Variants in COL5A2 observed in about 807,000 individuals in gnomAD.
The protein encoded by COL5A2 is collagen alpha-2(V) chain.
A neutral mutation model predicts 208.2 loss-of-function variants in COL5A2; 23 were observed. That is an observed-to-expected ratio of 0.11 (90% CI 0.08 to 0.16). COL5A2 has a LOEUF of 0.16. Among genes scored for constraint, COL5A2 ranks in the 10% least tolerant of loss-of-function variants. The pLI is 1.00. For synonymous variants in COL5A2, 625 were observed against 628.5 expected, an observed-to-expected ratio of 0.99 and a Z score of 0.08; for missense variants, 1,590 against 1,956.4, an observed-to-expected ratio of 0.81 and a Z score of 3.53.
chr2:189,123,714 A>G (rs1210675627), intron 1 of COL5A2, among the ~76,000 whole-genome samples: 2 of 152,222 alleles, frequency 1.3e-5, no homozygotes, highest in Non-Finnish European at 2.9e-5. Flanking sequence ...AATCTTAAGG[A>G]AGAATAACCC....
the COL5A2 span, among the ~76,000 whole-genome samples, chr2:189,405,855 C>G: frequency 6.6e-6 from 1 of 152,088 alleles, no homozygotes; most frequent in South Asian, 2.1e-4. Context: ...TGTGTAAAAC[C>G]CATGTCAAGA....
At chr2:189,246,758 T>C in the COL5A2 span, among the ~76,000 whole-genome samples, 1 of 152,082 alleles carries the variant, frequency 6.6e-6, no homozygotes, top group East Asian at 1.9e-4. Flanking sequence ...AAAATCAGCA[T>C]AAATGGGGAA....
chr2:189,319,521 C>T, the COL5A2 span, among the ~76,000 whole-genome samples: 2 of 152,238 alleles, frequency 1.3e-5, no homozygotes, highest in Non-Finnish European at 2.9e-5. Context: ...AGATTATATC[C>T]CGTGCCTGGC....
At chr2:189,321,016 A>T in the COL5A2 span, among the ~76,000 whole-genome samples, 2 of 152,238 alleles carry the variant, frequency 1.3e-5, no homozygotes, top group African/African-American at 4.8e-5. Flanking sequence ...AATATTCAAC[A>T]TTCTTAAAGA....
At chr2:189,072,182 T>C (rs1686290136) in intron 17 of COL5A2, 89 bp from the exon 18 acceptor site, 1 of 855,464 alleles carries the variant, frequency 1.2e-6, no homozygotes, top group African/African-American at 1.7e-5. Flanking sequence ...CATTTTGTAT[T>C]AGACACATAA....
the COL5A2 span, among the ~76,000 whole-genome samples, chr2:189,282,789 A>C: frequency 6.6e-6 from 1 of 152,184 alleles, no homozygotes; most frequent in South Asian, 2.1e-4. Flanking sequence ...AATATTGAGC[A>C]CAAGAGATTA....
At chr2:189,308,965 C>T in the COL5A2 span, among the ~76,000 whole-genome samples, 1 of 152,152 alleles carries the variant, frequency 6.6e-6, no homozygotes, top group Non-Finnish European at 1.5e-5. Context: ...GAATAAAAGG[C>T]TTCAGATATT....
At chr2:189,155,100 C>T (rs1276304611) in intron 1 of COL5A2, among the ~76,000 whole-genome samples, 1 of 152,106 alleles carries the variant, frequency 6.6e-6, no homozygotes, top group Non-Finnish European at 1.5e-5. Flanking sequence ...CCACCTCAGC[C>T]TCCTAAGTAA....
At chr2:189,440,301 G>T in the COL5A2 span, among the ~76,000 whole-genome samples, 1 of 152,100 alleles carries the variant, frequency 6.6e-6, no homozygotes, top group African/African-American at 2.4e-5. Flanking sequence ...ATGCATTTTA[G>T]GTGATTTCAT....
chr2:189,308,393 CAGAT>C, the COL5A2 span, among the ~76,000 whole-genome samples: 1 of 152,096 alleles, frequency 6.6e-6, no homozygotes, highest in African/African-American at 2.4e-5. Context: ...CATCACATAA[CAGAT>C]AGCCGGCCCT....
intron 1 of COL5A2, among the ~76,000 whole-genome samples, chr2:189,197,457 T>A (rs1431890037): frequency 1.3e-5 from 2 of 151,878 alleles, no homozygotes; most frequent in Non-Finnish European, 2.9e-5. Context: ...AAATAAAAAA[T>A]TAATTAATTA....
chr2:189,435,832 T>C, the COL5A2 span, among the ~76,000 whole-genome samples: 1 of 152,204 alleles, frequency 6.6e-6, no homozygotes. Flanking sequence ...ACTGGGTATA[T>C]ACCCAAAGCA....
the COL5A2 span, among the ~76,000 whole-genome samples, chr2:189,392,484 C>T: frequency 6.6e-5 from 10 of 152,180 alleles, no homozygotes; most frequent in East Asian, 1.9e-3. Context: ...ATGTCCTTAC[C>T]CCTGGAAGTA....
chr2:189,034,845 C>T, intron 53 of COL5A2, 71 bp downstream of exon 53: 1 of 1,588,506 alleles, frequency 6.3e-7, no homozygotes, highest in Non-Finnish European at 8.6e-7. Flanking sequence ...AGTTCTAGTG[C>T]TGTAATAGTA....
chr2:189,076,078 A>G (rs990314246), intron 16 of COL5A2, among the ~76,000 whole-genome samples: 1 of 152,158 alleles, frequency 6.6e-6, no homozygotes, highest in Non-Finnish European at 1.5e-5. Context: ...CCTGAAATTG[A>G]CTGAGATCTC....
chr2:189,439,168 C>G, the COL5A2 span, among the ~76,000 whole-genome samples: 1 of 152,160 alleles, frequency 6.6e-6, no homozygotes, highest in South Asian at 2.1e-4. Flanking sequence ...TTCTTTTCTA[C>G]TTTGAGTTTC....
the COL5A2 span, among the ~76,000 whole-genome samples, chr2:189,284,494 A>G: frequency 6.6e-6 from 1 of 152,096 alleles, no homozygotes; most frequent in Non-Finnish European, 1.5e-5. Flanking sequence ...GAAGGGGGAA[A>G]TGCTACACCC....
At chr2:189,381,556 G>A in the COL5A2 span, among the ~76,000 whole-genome samples, 1 of 151,780 alleles carries the variant, frequency 6.6e-6, no homozygotes, top group Admixed American at 6.6e-5. Context: ...TTTAAATGTT[G>A]ATAAAGAGGG....
intron 7 of COL5A2, among the ~76,000 whole-genome samples, 190 bp downstream of exon 7, chr2:189,092,120 A>T (rs1686801211): frequency 6.6e-6 from 1 of 152,232 alleles, no homozygotes; most frequent in Non-Finnish European, 1.5e-5. Context: ...TTTAGAAAAT[A>T]CTTCTTCCAA....
Sources: allele counts gnomAD v4.1 joint callset (sites outside exome capture counted in the v4.1 genomes callset), GRCh38; gene constraint gnomAD v4.1.1; transcripts MANE v1.5; gene names NCBI Gene and HGNC (gene_info 2026-07-23, HGNC 2026-07-21).